The following HS3ST5 variants were observed in gnomAD, a reference collection of about 807,000 sequenced individuals.
HS3ST5 encodes the protein heparan sulfate glucosamine 3-O-sulfotransferase 5.
Under a neutral mutation model 25.4 loss-of-function variants are expected in HS3ST5, and 10 were observed. The ratio of observed to expected loss-of-function variants is 0.39; its 90% CI spans 0.24 to 0.67. The LOEUF (loss-of-function observed/expected upper bound fraction) is 0.67. HS3ST5 is among the 30% of genes least tolerant of loss of function. HS3ST5 has a pLI of 0.44. For synonymous variants in HS3ST5, 170 were observed against 162.4 expected (o/e 1.05, Z -0.36); for missense variants, 324 against 420.7 (o/e 0.77, Z 2.01).
chr6:114,201,217 C>T (rs949018650), intron 2 of HS3ST5, among the ~76,000 whole-genome samples: 7 of 152,126 alleles, frequency 4.6e-5, no homozygotes, highest in African/African-American at 9.7e-5. Context: ...TTTCACTTGA[C>T]GGCAACTCAA....
chr6:114,315,263 G>C (rs1204525789), intron 1 of HS3ST5, among the ~76,000 whole-genome samples: 5 of 152,054 alleles, frequency 3.3e-5, no homozygotes, highest in African/African-American at 1.2e-4. Context: ...CAGAACTGCT[G>C]CACATATTAG....
chr6:114,176,696 T>C (rs1779740111), intron 2 of HS3ST5, among the ~76,000 whole-genome samples: 1 of 152,108 alleles, frequency 6.6e-6, no homozygotes, highest in Non-Finnish European at 1.5e-5. Context: ...AAAAACTACC[T>C]CTTCACCCCA....
chr6:114,250,474 G>C (rs561012747), intron 1 of HS3ST5, among the ~76,000 whole-genome samples: 2 of 151,862 alleles, frequency 1.3e-5, no homozygotes, highest in Admixed American at 6.6e-5. Context: ...CCAGCTACTC[G>C]GGAGGCTGAG....
At chr6:114,108,535 G>A (rs1776102697) in intron 3 of HS3ST5, among the ~76,000 whole-genome samples, 1 of 152,148 alleles carries the variant, frequency 6.6e-6, no homozygotes, top group African/African-American at 2.4e-5. Context: ...CTGGAACCCA[G>A]AAGGGAAACC....
At position 114,161,152 on chromosome 6, in the gene HS3ST5, C is replaced by T. The variant is rs147236267; in HGVS notation, c.-33+7199G>A. Among the ~76,000 whole-genome samples the T allele has an allele frequency of 1.2e-3, 177 of 152,078 alleles. 1 individual carries two copies. Among genetic ancestry groups the T allele is most frequent in the Non-Finnish European group, 2.2e-3 (149 of 67,982 alleles). On this transcript the variant is annotated intron_variant, in intron 3 of 4. Transcript: ENST00000312719. ...GTTTGCCATAAATTACCAAACCCAA[C>T]TCCCCTCAAGGTCAGCGATATGAGA...
At chr6:114,136,239 C>T (rs914197170) in intron 3 of HS3ST5, among the ~76,000 whole-genome samples, 6 of 152,210 alleles carry the variant, frequency 3.9e-5, no homozygotes, top group Admixed American at 6.5e-5. Context: ...TGTCATGGGA[C>T]GGACCCAGTG....
intron 3 of HS3ST5, among the ~76,000 whole-genome samples, chr6:114,076,567 C>T (rs965975946): frequency 6.6e-5 from 10 of 152,074 alleles, no homozygotes; most frequent in African/African-American, 1.7e-4. Context: ...GAAAAGATAC[C>T]GATCTTAAGA....
intron 2 of HS3ST5, among the ~76,000 whole-genome samples, chr6:114,192,780 G>A (rs991494541): frequency 6.6e-6 from 1 of 151,836 alleles, no homozygotes; most frequent in Non-Finnish European, 1.5e-5. Context: ...CTACCCTAGG[G>A]GTATAAAGTA....
At chr6:114,095,637 G>A (rs1489813307) in intron 3 of HS3ST5, among the ~76,000 whole-genome samples, 1 of 152,104 alleles carries the variant, frequency 6.6e-6, no homozygotes, top group Non-Finnish European at 1.5e-5. Flanking sequence ...TTACTGTAGA[G>A]GCACTTTTGA....
intron 1 of HS3ST5, among the ~76,000 whole-genome samples, chr6:114,311,539 C>CTCTTTT (rs756786969): frequency 1.2e-5 from 1 of 84,882 alleles, no homozygotes; most frequent in Non-Finnish European, 2.1e-5. Context: ...TTCTCTCTCT[C>CTCTTTT]TTTTTTTTTT....
At chr6:114,339,848 G>A (rs1776753834) in intron 1 of HS3ST5, among the ~76,000 whole-genome samples, 1 of 152,180 alleles carries the variant, frequency 6.6e-6, no homozygotes, top group Non-Finnish European at 1.5e-5. Context: ...AATATCTTAT[G>A]TGATTTCTGA....
chr6:114,090,577 A>G (rs572894722), intron 3 of HS3ST5, among the ~76,000 whole-genome samples: 29 of 152,246 alleles, frequency 1.9e-4, no homozygotes, highest in Non-Finnish European at 3.8e-4. Context: ...GCTATGTTCC[A>G]GCTTTTCAGT....
At chr6:114,216,249 T>A (rs972455167) in intron 2 of HS3ST5, among the ~76,000 whole-genome samples, 1 of 152,166 alleles carries the variant, frequency 6.6e-6, no homozygotes, top group Non-Finnish European at 1.5e-5. Flanking sequence ...CTGGAGTAAA[T>A]CAAATCATTC....
chr6:114,062,842 G>C lies in HS3ST5; in HGVS notation c.4C>G (p.Leu2Val). The C allele has an allele frequency of 5.0e-6, 8 of 1,613,410 alleles. No individual in the cohort carries two copies. Among genetic ancestry groups the C allele is most frequent in the Non-Finnish European group, 6.8e-6 (8 of 1,179,388 alleles). The change falls in exon 4 of 5, where the codon CTA becomes GTA. Residue 2 changes from leucine to valine, a missense_variant. Physicochemically the swap from Leu to Val is conservative, Grantham distance 32 (BLOSUM62 1). This residue lies in a region of HS3ST5 where 121 missense variants were observed against 117.3 expected (regional missense o/e 1.03). Transcript: ENST00000312719. M[L>V]FKQQAWLRQK... ...CTCAGCCACGCCTGCTGTTTGAATA[G>C]CATGGCCCTCCATCAACCTTCAGGA...
At chr6:114,218,721 T>C (rs1249704609) in intron 2 of HS3ST5, among the ~76,000 whole-genome samples, 11 of 152,368 alleles carry the variant, frequency 7.2e-5, no homozygotes, top group Admixed American at 4.6e-4. Context: ...ACTTGGTCCC[T>C]GTTCAGAATC....
At chr6:114,135,074 A>G (rs1701655354) in intron 3 of HS3ST5, among the ~76,000 whole-genome samples, 1 of 152,204 alleles carries the variant, frequency 6.6e-6, no homozygotes, top group Non-Finnish European at 1.5e-5. Flanking sequence ...CCAGGGTGGA[A>G]GGGGCATGAG....
At chr6:114,289,555 G>C (rs1222419379) in intron 1 of HS3ST5, among the ~76,000 whole-genome samples, 1 of 152,100 alleles carries the variant, frequency 6.6e-6, no homozygotes, top group Non-Finnish European at 1.5e-5. Context: ...GGAGGCTGAG[G>C]AGAAGTCATT....
At chr6:114,161,814 G>A (rs561715929) in intron 3 of HS3ST5, among the ~76,000 whole-genome samples, 13 of 150,924 alleles carry the variant, frequency 8.6e-5, no homozygotes, top group East Asian at 3.9e-4. Context: ...GGAAAGTAAC[G>A]TAATTATTAT....
At chr6:114,341,177 AGAGG>A (rs1776824016) in intron 1 of HS3ST5, among the ~76,000 whole-genome samples, 1 of 53,654 alleles carries the variant, frequency 1.9e-5, no homozygotes. Context: ...GGAGGGAGGG[AGAGG>A]GAGAGGGAGA....
Sources: gnomAD v4.1 joint callset for allele counts (sites outside exome capture counted in the v4.1 genomes callset) on GRCh38, gnomAD v4.1.1 for gene constraint, gnomAD v4.1.1 regional missense constraint, MANE v1.5 for transcripts, NCBI Gene and HGNC (gene_info 2026-07-23, HGNC 2026-07-21) for gene names.